CSMD2: variants seen among roughly 807,000 people sequenced by gnomAD.
CSMD2 encodes CUB and sushi domain-containing protein 2.
Under a neutral mutation model 398.5 loss-of-function variants are expected in CSMD2, and 130 were observed. The observed-to-expected ratio is 0.33, with a 90% CI of 0.28 to 0.38. The LOEUF is 0.38. Among genes scored for constraint, CSMD2 ranks in the 10% least tolerant of loss-of-function variants. The pLI is 1.00. For synonymous variants in CSMD2, 1,828 were observed against 1,908.5 expected (o/e 0.96, Z 1.10); for missense variants, 3,829 against 4,764.9 (o/e 0.80, Z 5.78).
rs181401136 is a variant in CSMD2 at position 33,852,752 on chromosome 1, C to T, written c.921-5756G>A. On this transcript the variant is annotated intron_variant, in intron 5 of 70. Coordinates refer to ENST00000373381, the MANE Select transcript of CSMD2 (RefSeq NM_001281956.2). The stretch of plus-strand genomic sequence containing the variant: ...GTATCTCTGGTGCACAGCACAGTGC[C>T]TGGCACACAGAACAAATACATTTCA... 2.0e-5 allele frequency among the ~76,000 whole-genome samples: 3 copies of T among 152,346 alleles called. No individual in the cohort carries two copies. In the South Asian group the frequency reaches 6.2e-4, roughly 32 times the overall value.
Position 33,605,868 on chromosome 1 carries a change from C to A in CSMD2, c.6344-398G>T, listed in dbSNP as rs1640563499. The A allele has an allele frequency of 1.2e-6, 2 of 1,612,968 alleles. No homozygotes were observed. Among genetic ancestry groups the A allele is most frequent in the African/African-American group, 1.3e-5 (1 of 75,016 alleles). ...TGTTGCTTATCTCATTGAACCTTCA[C>A]AACCAGGATCAAGATCCCAGACATA... is the stretch of plus-strand genomic sequence containing the variant. On this transcript the variant is annotated intron_variant, in intron 41 of 70. Transcript: ENST00000373381.
intron 24 of CSMD2, among the ~76,000 whole-genome samples, chr1:33,696,345 G>T (rs1160610492): frequency 1.3e-5 from 2 of 152,308 alleles, no homozygotes; most frequent in African/African-American, 4.8e-5. Context: ...ACATTTCATG[G>T]ACCCGTTGGT....
At position 34,117,485 on chromosome 1, in the gene CSMD2, A is replaced by G. The variant is rs77058404; in HGVS notation, c.188-28292T>C. Among the ~76,000 whole-genome samples the G allele has an allele frequency of 3.2e-3, 489 of 152,308 alleles. 5 individuals are homozygous for G. Among genetic ancestry groups the G allele is most frequent in the Middle Eastern group, 0.024 (7 of 294 alleles). ...TAATAAAAAACCTATCTACAAAGAA[A>G]AGCCCAGGACCACATGGATTCACTG... On this transcript the variant is annotated intron_variant, in intron 1 of 70. Transcript: ENST00000373381.
intron 5 of CSMD2, chr1:33,878,296 A>T (rs1640984645): frequency 6.6e-6 from 1 of 152,416 alleles, no homozygotes. Context: ...GGCTAGATGT[A>T]CATGAGATGT....
At chr1:33,640,301 A>G (rs1463205464) in intron 29 of CSMD2, among the ~76,000 whole-genome samples, 1 of 152,206 alleles carries the variant, frequency 6.6e-6, no homozygotes, top group African/African-American at 2.4e-5. Flanking sequence ...TTAAAAGAAT[A>G]GCACTATTCT....
chr1:33,982,200 G>A (rs1021514007), intron 3 of CSMD2, among the ~76,000 whole-genome samples: 8 of 152,102 alleles, frequency 5.3e-5, no homozygotes, highest in African/African-American at 1.9e-4. Flanking sequence ...CAGTTTTCTT[G>A]GGGGGCTACT....
chr1:33,712,174 G>A (rs759186110), intron 21 of CSMD2, among the ~76,000 whole-genome samples: 6 of 152,168 alleles, frequency 3.9e-5, no homozygotes, highest in Non-Finnish European at 7.4e-5. Flanking sequence ...TGGGGCTTCT[G>A]AGGCAGAGGG....
chr1:33,982,410 AG>A (rs1420815793), intron 3 of CSMD2, among the ~76,000 whole-genome samples: 1 of 152,182 alleles, frequency 6.6e-6, no homozygotes, highest in Non-Finnish European at 1.5e-5. Context: ...ACCTTCTAGT[AG>A]TTTGTCCTTG....
In CSMD2 at chr1:33,572,640, T is replaced by C. The variant is rs767786690; in HGVS notation, c.7628A>G (p.Lys2543Arg). 2 of 1,613,630 alleles carry C rather than the reference T, an allele frequency of 1.2e-6. No homozygotes were observed. The highest frequency in any genetic ancestry group is 2.2e-5 in the South Asian group (2 of 91,006). The change falls in exon 50 of 71, where the codon AAG (lysine) becomes AGG (arginine). Residue 2543 changes from lysine to arginine, a missense_variant. Lys to Arg is a conservative substitution (Grantham distance 26). Coordinates refer to ENST00000373381, the MANE Select transcript of CSMD2 (RefSeq NM_001281956.2). ...EAPKNGMVFG[K>R]EYTVGTKAMY... ...GGCCTTGGTTCCCACTGTGTACTCCTTGCCAAACACCATTCCATTCTTGGG... is the reference window on the plus strand; with the variant it reads ...GGCCTTGGTTCCCACTGTGTACTCCCTGCCAAACACCATTCCATTCTTGGG...
intron 5 of CSMD2, among the ~76,000 whole-genome samples, chr1:33,862,013 T>C (rs1639557273): frequency 6.6e-6 from 1 of 152,096 alleles, no homozygotes; most frequent in East Asian, 1.9e-4. Context: ...ATGTGGCTCA[T>C]ACAGACCAGC....
At chr1:33,609,752 G>A (rs1053994721) in intron 41 of CSMD2, among the ~76,000 whole-genome samples, 6 of 152,116 alleles carry the variant, frequency 3.9e-5, no homozygotes, top group Admixed American at 2.6e-4. Context: ...TATATATACC[G>A]AGAAAAGCGG....
intron 20 of CSMD2, 146 bp downstream of exon 20, chr1:33,716,140 T>G (rs1571322729): frequency 1.5e-6 from 1 of 658,604 alleles, no homozygotes; most frequent in East Asian, 2.7e-5. Context: ...AACCCAAGCA[T>G]CTTTTGCTGA....
chr1:33,910,447 C>T (rs1643387928), intron 5 of CSMD2, among the ~76,000 whole-genome samples: 1 of 152,204 alleles, frequency 6.6e-6, no homozygotes, highest in Non-Finnish European at 1.5e-5. Flanking sequence ...AGCATCACCG[C>T]CCTCTTACAG....
chr1:34,004,752 G>A (rs1207082503), intron 3 of CSMD2, among the ~76,000 whole-genome samples: 4 of 152,228 alleles, frequency 2.6e-5, no homozygotes, highest in African/African-American at 9.6e-5. Context: ...GAGATGGCCT[G>A]AGGTAGGGTC....
At chr1:33,909,275 C>T (rs1643311231) in intron 5 of CSMD2, among the ~76,000 whole-genome samples, 1 of 152,068 alleles carries the variant, frequency 6.6e-6, no homozygotes, top group South Asian at 2.1e-4. Context: ...TTTACATGTG[C>T]AGCTCCCTCT....
At chr1:33,552,008 G>A (rs1657490778) in intron 55 of CSMD2, among the ~76,000 whole-genome samples, 2 of 152,118 alleles carry the variant, frequency 1.3e-5, no homozygotes, top group African/African-American at 4.8e-5. Context: ...GATCTTCTAG[G>A]CCCACCTGAG....
intron 5 of CSMD2, among the ~76,000 whole-genome samples, chr1:33,906,957 G>C (rs1242900358): frequency 1.3e-5 from 2 of 151,994 alleles, no homozygotes; most frequent in African/African-American, 4.8e-5. Flanking sequence ...ATGGAGGCAA[G>C]CAGAAAGCAG....
chr1:33,975,486 T>TACACACAC (rs57095754), intron 3 of CSMD2, among the ~76,000 whole-genome samples: 10,203 of 146,374 alleles, frequency 0.07, 589 homozygotes, highest in African/African-American at 0.15. Flanking sequence ...CTCCCAAGTG[T>TACACACAC]ACACACACAC....
intron 54 of CSMD2, among the ~76,000 whole-genome samples, chr1:33,558,579 G>A (rs571054325): frequency 6.6e-5 from 10 of 152,200 alleles, no homozygotes; most frequent in Non-Finnish European, 1.2e-4. Flanking sequence ...ATATGAAGTG[G>A]GCAGGAAGGT....
Sources: gnomAD v4.1 joint callset for allele counts (sites outside exome capture counted in the v4.1 genomes callset) on GRCh38, gnomAD v4.1.1 for gene constraint, MANE v1.5 for transcripts, NCBI Gene and HGNC (gene_info 2026-07-23, HGNC 2026-07-21) for gene names.